The following NET1 variants were observed in gnomAD, a reference collection of about 807,000 sequenced individuals.
NET1 encodes the protein neuroepithelial cell-transforming gene 1 protein.
Under a neutral mutation model 61.1 loss-of-function variants are expected in NET1, and 42 were observed. That is an observed-to-expected ratio of 0.69 (90% confidence interval 0.54 to 0.89). The LOEUF (loss-of-function observed/expected upper bound fraction) is 0.89. Ranked by LOEUF, NET1 falls within the 40% of genes least tolerant of loss-of-function variation. NET1 has a pLI of 0.00. For synonymous variants in NET1, 254 were observed against 281.8 expected (o/e 0.90, Z 0.99); for missense variants, 654 against 747.3 (o/e 0.88, Z 1.46).
chr10:5,436,687 T>C (rs1832443433), intron 3 of NET1, among the ~76,000 whole-genome samples: 1 of 152,224 alleles, frequency 6.6e-6, no homozygotes, highest in Admixed American at 6.5e-5. Flanking sequence ...TGGCAGTTTC[T>C]GATTTAACAT....
Position 5,417,055 on chromosome 10 carries a change from G to A in NET1, c.128+4235G>A, listed in dbSNP as rs1014124377. On this transcript the variant is annotated intron_variant, in intron 1 of 11. Transcript: ENST00000355029. This position sits in a 1 kb window ranked among gnomAD's most constrained non-coding sequence, Gnocchi z 5.5. ...AGTGGAAGTAGCTCTCAGCAGATGG[G>A]GGAGCCAGAAGGGAAATGGTTTTGC... 2.6e-5 allele frequency among the ~76,000 whole-genome samples: 4 copies of A among 152,172 alleles called. No individual in the cohort carries two copies. The highest frequency in any genetic ancestry group is 9.7e-5 in the African/African-American group (4 of 41,434).
chr10:5,423,010 T>C lies in NET1; in HGVS notation c.129-3645T>C, dbSNP rs530710569. On this transcript the variant is annotated intron_variant, in intron 1 of 11. Coordinates refer to ENST00000355029, the MANE Select transcript of NET1 (RefSeq NM_001047160.3). This position sits in a 1 kb window ranked among gnomAD's most constrained non-coding sequence, Gnocchi z 4.4. The stretch of plus-strand genomic sequence containing the variant: ...TATGGTATAATTCTTTTTATATGTT[T>C]GGCATTTACAGATTACATTTTTTAT... Among the ~76,000 whole-genome samples the C allele has an allele frequency of 8.5e-5, 13 of 152,370 alleles. No individual in the cohort carries two copies. In the East Asian group the frequency reaches 2.5e-3, roughly 29 times the overall value.
rs1020630689 is a variant in NET1 at position 5,444,648 on chromosome 10, C to G, written c.256-7182C>G. 2.6e-5 allele frequency among the ~76,000 whole-genome samples: 4 copies of G among 152,138 alleles called. No individual in the cohort carries two copies. Among genetic ancestry groups the G allele is most frequent in the Admixed American group, 1.3e-4 (2 of 15,270 alleles). On this transcript the variant is annotated intron_variant, in intron 3 of 11. Coordinates refer to ENST00000355029, the MANE Select transcript of NET1 (RefSeq NM_001047160.3). The surrounding 1 kb of genome is among the most constrained non-coding windows in gnomAD (Gnocchi z 5.3). ...TTTTGCAGAATTTTCCTTCCCTTGG[C>G]TTTCCTCCAAAGTTAGATCCTTGGA...
At position 5,451,274 on chromosome 10, in the gene NET1, C is replaced by T. The variant is rs1291072557; in HGVS notation, c.256-556C>T. Among the ~76,000 whole-genome samples, 1 of 152,146 alleles carries T rather than the reference C, an allele frequency of 6.6e-6. No homozygotes were observed. Among genetic ancestry groups the T allele is most frequent in the African/African-American group, 2.4e-5 (1 of 41,444 alleles). On this transcript the variant is annotated intron_variant, in intron 3 of 11. Coordinates refer to ENST00000355029, the MANE Select transcript of NET1 (RefSeq NM_001047160.3). This position sits in a 1 kb window ranked among gnomAD's most constrained non-coding sequence, Gnocchi z 6.1. ...TCCCTGCCTTGGCTTCAATATTTTTCAGCCCATTCCAGTGTCAGACATGTT... is the reference window on the plus strand; with the variant it reads ...TCCCTGCCTTGGCTTCAATATTTTTTAGCCCATTCCAGTGTCAGACATGTT...
rs1003123834 is a variant in NET1, at chr10:5,458,393, A to G, written c.*1399A>G. The G allele has an allele frequency of 3.1e-4, 47 of 152,528 alleles. No homozygotes were observed. Among genetic ancestry groups the G allele is most frequent in the African/African-American group, 9.9e-4 (41 of 41,406 alleles). 9.4% of individuals were successfully genotyped at this position (152,528 alleles called of 1,614,324 possible). A position where few individuals can be genotyped will look rare whatever the true frequency, so the allele number is the denominator to read the frequency against. Reference sequence around the variant, plus strand: ...AAATGATAATCAGAAAAGACTGTAAATAGATCCATCCAAATGATTTCTCTG... The same window carrying G: ...AAATGATAATCAGAAAAGACTGTAAGTAGATCCATCCAAATGATTTCTCTG... On this transcript the variant is annotated 3_prime_UTR_variant, in exon 12 of 12. Coordinates refer to ENST00000355029, the MANE Select transcript of NET1 (RefSeq NM_001047160.3). The surrounding 1 kb of genome is among the most constrained non-coding windows in gnomAD (Gnocchi z 4.5).
At position 5,423,336 on chromosome 10, in the gene NET1, T is replaced by C. The variant is rs929258928; in HGVS notation, c.129-3319T>C. On this transcript the variant is annotated intron_variant, in intron 1 of 11. Coordinates refer to ENST00000355029, the MANE Select transcript of NET1 (RefSeq NM_001047160.3). This position sits in a 1 kb window ranked among gnomAD's most constrained non-coding sequence, Gnocchi z 4.4. ...ACACAAATCAGAAACTCTGAAAACA[T>C]AATTTGGCTTAAGAATGAATTAACA... Among the ~76,000 whole-genome samples, 2 of 152,194 alleles carry C rather than the reference T, an allele frequency of 1.3e-5. No homozygotes were observed. The highest frequency in any genetic ancestry group is 6.5e-5 in the Admixed American group (1 of 15,284).
At position 5,446,472 on chromosome 10, in the gene NET1, G is replaced by A; in HGVS notation, c.256-5358G>A. 1 of 752,558 alleles carries A rather than the reference G, an allele frequency of 1.3e-6. No homozygotes were observed. The highest frequency in any genetic ancestry group is 1.8e-5 in the African/African-American group (1 of 54,336). The allele number at this position is 752,558 out of a possible 1,614,324, so 46.6% of individuals were successfully genotyped here. The stretch of plus-strand genomic sequence containing the variant: ...GAACCCAGCTTCACTCTCCTCCTGG[G>A]CGAAAGCTGAGAGGCCTAGGTGTGC... On this transcript the variant is annotated intron_variant, in intron 3 of 11. Transcript: ENST00000355029. This position sits in a 1 kb window ranked among gnomAD's most constrained non-coding sequence, Gnocchi z 5.0.
In NET1 at chr10:5,413,783, A is replaced by G. The variant is rs146627721; in HGVS notation, c.128+963A>G. On this transcript the variant is annotated intron_variant, in intron 1 of 11. Coordinates refer to ENST00000355029, the MANE Select transcript of NET1 (RefSeq NM_001047160.3). ...TGTTTTGCAACAGGTTGAGAAGAGA[A>G]TGTGCGATTTGTTCAGAAAATAATG... is the stretch of plus-strand genomic sequence containing the variant. 9.1e-4 allele frequency among the ~76,000 whole-genome samples: 138 copies of G among 152,308 alleles called. 2 individuals carry two copies. In the East Asian group the frequency reaches 0.02, roughly 22 times the overall value.
At chr10:5,432,296 C>T (rs534289976) in intron 3 of NET1, among the ~76,000 whole-genome samples, 1 of 152,306 alleles carries the variant, frequency 6.6e-6, no homozygotes, top group Admixed American at 6.5e-5. Flanking sequence ...TTAACTTAAT[C>T]TTATCAGTCT....
In NET1 at chr10:5,427,216, C is replaced by G. The variant is rs1423641476; in HGVS notation, c.195+495C>G. On this transcript the variant is annotated intron_variant, in intron 2 of 11. Transcript: ENST00000355029. This position sits in a 1 kb window ranked among gnomAD's most constrained non-coding sequence, Gnocchi z 4.1. The stretch of plus-strand genomic sequence containing the variant: ...CATTTAATTTTGTGTGAAGTGATAA[C>G]AGAAAATTGATTCTTTTTGTACTTA... Among the ~76,000 whole-genome samples the G allele has an allele frequency of 6.6e-6, 1 of 152,142 alleles. No individual in the cohort carries two copies. Among genetic ancestry groups the G allele is most frequent in the East Asian group, 1.9e-4 (1 of 5,186 alleles).
rs1434580335 is a variant in NET1 at position 5,437,623 on chromosome 10, A to G, written c.255+8394A>G. 6.6e-6 allele frequency among the ~76,000 whole-genome samples: 1 copy of G among 151,916 alleles called. No homozygotes were observed. The highest frequency in any genetic ancestry group is 1.5e-5 in the Non-Finnish European group (1 of 67,976). On this transcript the variant is annotated intron_variant, in intron 3 of 11. Transcript: ENST00000355029. This position sits in a 1 kb window ranked among gnomAD's most constrained non-coding sequence, Gnocchi z 4.3. ...GATACTTTTCTATCGGTTTATGATA[A>G]TATTCATAACCGAGTACCCTTTTCA...
rs2119216054 is a variant in NET1 at position 5,454,588 on chromosome 10, A to G, written c.1026+66A>G. 2.0e-6 allele frequency: 3 copies of G among 1,530,030 alleles called. No homozygotes were observed. Among genetic ancestry groups the G allele is most frequent in the Non-Finnish European group, 2.6e-6 (3 of 1,133,386 alleles). 94.8% of individuals were successfully genotyped at this position (1,530,030 alleles called of 1,614,324 possible). Reference sequence around the variant, plus strand: ...ATACATTAGGCTGCTTTAGAACGTTATCTTCTGAAGATGCTGATTCACATC... The same window carrying G: ...ATACATTAGGCTGCTTTAGAACGTTGTCTTCTGAAGATGCTGATTCACATC... On this transcript the variant is annotated intron_variant, in intron 9 of 11. Coordinates refer to ENST00000355029, the MANE Select transcript of NET1 (RefSeq NM_001047160.3). This position sits in a 1 kb window ranked among gnomAD's most constrained non-coding sequence, Gnocchi z 8.1.
chr10:5,442,783 A>C (rs1312900781), intron 3 of NET1, among the ~76,000 whole-genome samples: 1 of 151,790 alleles, frequency 6.6e-6, no homozygotes, highest in East Asian at 1.9e-4. Flanking sequence ...AGGCTGAGGC[A>C]TGAGAATCAC....
At position 5,441,085 on chromosome 10, in the gene NET1, T is replaced by C. The variant is rs970726659; in HGVS notation, c.256-10745T>C. ...GTGTCTAATTAAGCTGTCACTACTGTGGGCAGTGGGGTAGATCTCTCTGGA... is the reference window on the plus strand; with the variant it reads ...GTGTCTAATTAAGCTGTCACTACTGCGGGCAGTGGGGTAGATCTCTCTGGA... On this transcript the variant is annotated intron_variant, in intron 3 of 11. Coordinates refer to ENST00000355029, the MANE Select transcript of NET1 (RefSeq NM_001047160.3). This position sits in a 1 kb window ranked among gnomAD's most constrained non-coding sequence, Gnocchi z 4.6. Among the ~76,000 whole-genome samples the C allele has an allele frequency of 6.6e-6, 1 of 152,206 alleles. No individual in the cohort carries two copies. Among genetic ancestry groups the C allele is most frequent in the African/African-American group, 2.4e-5 (1 of 41,468 alleles).
At chr10:5,429,648 ATACAT>A (rs1421308000) in intron 3 of NET1, among the ~76,000 whole-genome samples, 2 of 152,246 alleles carry the variant, frequency 1.3e-5, no homozygotes, top group Non-Finnish European at 2.9e-5. Flanking sequence ...TTCTTAAAAA[ATACAT>A]GCAAGCAAAA....
rs2119169682 is a variant in NET1 at position 5,422,236 on chromosome 10, T to C, written c.129-4419T>C. Among the ~76,000 whole-genome samples the C allele has an allele frequency of 6.6e-6, 1 of 151,868 alleles. No individual in the cohort carries two copies. On this transcript the variant is annotated intron_variant, in intron 1 of 11. Coordinates refer to ENST00000355029, the MANE Select transcript of NET1 (RefSeq NM_001047160.3). The surrounding 1 kb of genome is among the most constrained non-coding windows in gnomAD (Gnocchi z 4.1). ...CCTGTAATCCTAGCTACTCGGGAGA[T>C]TGAGGCAGGAGAATCGCTTGAACCC...
In NET1 at chr10:5,451,251, C is replaced by G. The variant is rs1167122010; in HGVS notation, c.256-579C>G. Among the ~76,000 whole-genome samples, 1 of 152,134 alleles carries G rather than the reference C, an allele frequency of 6.6e-6. No homozygotes were observed. The highest frequency in any genetic ancestry group is 1.9e-4 in the East Asian group (1 of 5,192). ...AGCCTGGGTGCTCTTTTAACTCCTC[C>G]CTGCCTTGGCTTCAATATTTTTCAG... On this transcript the variant is annotated intron_variant, in intron 3 of 11. Coordinates refer to ENST00000355029, the MANE Select transcript of NET1 (RefSeq NM_001047160.3). The surrounding 1 kb of genome is among the most constrained non-coding windows in gnomAD (Gnocchi z 6.1).
Position 5,437,358 on chromosome 10 carries a change from TG to T in NET1, c.255+8131del, listed in dbSNP as rs1258732488. Reference sequence around the variant, plus strand: ...ATAAAGCAGGCTCCCTAATTCTTCTTGGTTGCTGTATTGTATTCCATAGTGT... The same window carrying T: ...ATAAAGCAGGCTCCCTAATTCTTCTTGTTGCTGTATTGTATTCCATAGTGT... On this transcript the variant is annotated intron_variant, in intron 3 of 11. Transcript: ENST00000355029. The surrounding 1 kb of genome is among the most constrained non-coding windows in gnomAD (Gnocchi z 4.3). Among the ~76,000 whole-genome samples, 2 of 152,194 alleles carry T rather than the reference TG, an allele frequency of 1.3e-5. No homozygotes were observed. Among genetic ancestry groups the T allele is most frequent in the Non-Finnish European group, 2.9e-5 (2 of 68,028 alleles).
At chr10:5,413,398 A>G (rs1448991916) in intron 1 of NET1, among the ~76,000 whole-genome samples, 1 of 152,224 alleles carries the variant, frequency 6.6e-6, no homozygotes, top group African/African-American at 2.4e-5. Flanking sequence ...TAGAGAGTTC[A>G]TCACAACCAT....
Sources: allele counts gnomAD v4.1 joint callset (sites outside exome capture counted in the v4.1 genomes callset), GRCh38; gene constraint gnomAD v4.1.1; non-coding constraint Gnocchi (gnomAD v3.1); transcripts MANE v1.5; gene names NCBI Gene and HGNC (gene_info 2026-07-23, HGNC 2026-07-21).